The following ANKRD45 variants were observed in gnomAD, a reference collection of about 807,000 sequenced individuals.
The protein encoded by ANKRD45 is ankyrin repeat domain 45, also known as ankyrin repeat domain-containing protein 45.
ANKRD45 carries 21 observed loss-of-function variants against 28.1 expected under a neutral mutation model. That is an observed-to-expected ratio of 0.75 (90% CI 0.53 to 1.08). The LOEUF is 1.08. ANKRD45 is among the 50% of genes least tolerant of loss of function. The probability of loss-of-function intolerance (pLI) is 0.00; values close to 1 mark genes in which losing one functional copy is unlikely to be tolerated. For synonymous variants in ANKRD45, 86 were observed against 103.9 expected, an observed-to-expected ratio of 0.83 and a Z score of 1.05; for missense variants, 261 against 308.7, an observed-to-expected ratio of 0.85 and a Z score of 1.16.
At chr1:173,683,980 G>A in the ANKRD45 span, among the ~76,000 whole-genome samples, 1 of 152,190 alleles carries the variant, frequency 6.6e-6, no homozygotes, top group Non-Finnish European at 1.5e-5. Flanking sequence ...CTATTGGCTA[G>A]GGTTAGACCG....
intron 3 of ANKRD45, among the ~76,000 whole-genome samples, chr1:173,633,242 A>G (rs1323027985): frequency 6.6e-6 from 1 of 152,050 alleles, no homozygotes; most frequent in Admixed American, 6.6e-5. Context: ...AACTCCATTT[A>G]CAATACATAC....
the ANKRD45 span, among the ~76,000 whole-genome samples, chr1:173,706,062 T>G: frequency 6.6e-6 from 1 of 152,032 alleles, no homozygotes; most frequent in Non-Finnish European, 1.5e-5. Flanking sequence ...CCCAGCACTT[T>G]GGGAGGCCGA....
the ANKRD45 span, among the ~76,000 whole-genome samples, chr1:173,711,611 T>TA: frequency 6.6e-6 from 1 of 152,200 alleles, no homozygotes; most frequent in Non-Finnish European, 1.5e-5. Flanking sequence ...TTTAGCTTAG[T>TA]GATTTTGGGG....
chr1:173,665,144 C>T (rs976197005), intron 1 of ANKRD45, among the ~76,000 whole-genome samples: 1 of 152,102 alleles, frequency 6.6e-6, no homozygotes, highest in African/African-American at 2.4e-5. Flanking sequence ...GGTAATGCTA[C>T]TTATTTTCTT....
chr1:173,624,500 A>C (rs1174818755), intron 5 of ANKRD45, among the ~76,000 whole-genome samples: 1 of 152,042 alleles, frequency 6.6e-6, no homozygotes, highest in Non-Finnish European at 1.5e-5. Flanking sequence ...GGGAAAAAAA[A>C]AAAAAAATCA....
At chr1:173,712,921 C>T in the ANKRD45 span, among the ~76,000 whole-genome samples, 1 of 152,146 alleles carries the variant, frequency 6.6e-6, no homozygotes, top group Non-Finnish European at 1.5e-5. Flanking sequence ...TGTAATGGGG[C>T]TCAAGGGTTA....
At position 173,618,596 on chromosome 1, in the gene ANKRD45, T is replaced by A. The variant is rs1363079890; in HGVS notation, c.730+6191A>T. ...AAGACAAGAATACAGAAAAAAAGAA[T>A]GAAAAGGAATGAACAAAACCTCTGA... On this transcript the variant is annotated intron_variant, in intron 5 of 5. Transcript: ENST00000333279. Among the ~76,000 whole-genome samples, 6 of 152,088 alleles carry A rather than the reference T, an allele frequency of 3.9e-5. No individual in the cohort carries two copies. In the East Asian group the frequency reaches 1.2e-3, roughly 29 times the overall value.
chr1:173,631,921 C>T (rs1668212769), intron 3 of ANKRD45, among the ~76,000 whole-genome samples: 1 of 151,524 alleles, frequency 6.6e-6, no homozygotes. Context: ...CTTAACAATA[C>T]ATCTTAAAGA....
chr1:173,646,821 G>T (rs771528055), intron 3 of ANKRD45, 25 bp downstream of exon 3: 17 of 1,606,722 alleles, frequency 1.1e-5, no homozygotes, highest in Non-Finnish European at 1.4e-5. Flanking sequence ...CAGTCAGTTT[G>T]CTAACCCCTT....
the ANKRD45 span, among the ~76,000 whole-genome samples, chr1:173,688,911 C>T: frequency 2.6e-5 from 4 of 151,912 alleles, no homozygotes; most frequent in East Asian, 1.9e-4. Context: ...CCTTTTACCT[C>T]GGAAACTAAA....
At chr1:173,682,949 T>TTTC in the ANKRD45 span, among the ~76,000 whole-genome samples, 2 of 151,886 alleles carry the variant, frequency 1.3e-5, no homozygotes, top group Non-Finnish European at 2.9e-5. Context: ...CTCTTTTTTT[T>TTTC]TCTTTTTCGG....
At chr1:173,688,045 T>C in the ANKRD45 span, among the ~76,000 whole-genome samples, 3 of 151,816 alleles carry the variant, frequency 2.0e-5, no homozygotes, top group East Asian at 3.9e-4. Context: ...AGCAAAGCAG[T>C]TGTCGCTACA....
intron 3 of ANKRD45, among the ~76,000 whole-genome samples, chr1:173,646,547 C>T (rs1438011180): frequency 6.6e-6 from 1 of 152,172 alleles, no homozygotes; most frequent in East Asian, 1.9e-4. Context: ...TGGCCTTGAA[C>T]ATACATATTG....
rs1482076384 is a variant in ANKRD45 at position 173,659,172 on chromosome 1, C to T, written c.247G>A (p.Ala83Thr). 6.2e-7 allele frequency: 1 copy of T among 1,614,058 alleles called. No individual in the cohort carries two copies. Among genetic ancestry groups the T allele is most frequent in the African/African-American group, 1.3e-5 (1 of 74,926 alleles). Residue 83 changes from alanine to threonine, a missense_variant, in exon 2 of 6, where the codon GCA (alanine) becomes ACA (threonine). Physicochemically the swap from Ala to Thr is moderately conservative, Grantham distance 58 (BLOSUM62 0). Transcript: ENST00000333279. Reference protein sequence around the residue: ...EDIVGRNLLYAACMAGQSDVI... With the variant: ...EDIVGRNLLYTACMAGQSDVI... Reference sequence around the variant, plus strand: ...TCACTTTGCCCAGCCATGCAAGCTGCATACAACAAATTTCTCCCAACGATG... The same window carrying T: ...TCACTTTGCCCAGCCATGCAAGCTGTATACAACAAATTTCTCCCAACGATG...
At chr1:173,660,254 T>C (rs912613292) in intron 1 of ANKRD45, among the ~76,000 whole-genome samples, 1 of 152,072 alleles carries the variant, frequency 6.6e-6, no homozygotes, top group African/African-American at 2.4e-5. Context: ...AGTATTAAAC[T>C]GGGAAAGATT....
chr1:173,627,537 T>C (rs1191279434), intron 3 of ANKRD45, among the ~76,000 whole-genome samples: 3 of 152,160 alleles, frequency 2.0e-5, no homozygotes, highest in Admixed American at 2.0e-4. Context: ...GAAAGCAACA[T>C]GGGGCAGAAT....
At chr1:173,655,510 C>A (rs992491385) in intron 2 of ANKRD45, among the ~76,000 whole-genome samples, 1 of 152,190 alleles carries the variant, frequency 6.6e-6, no homozygotes, top group Non-Finnish European at 1.5e-5. Context: ...GGGCACCCAC[C>A]TGTATGAGGT....
the ANKRD45 span, chr1:173,715,068 T>C: frequency 2.2e-4 from 33 of 152,506 alleles, no homozygotes; most frequent in African/African-American, 7.7e-4. Context: ...GAGAAGAAAG[T>C]GTCAGAGCCG....
chr1:173,623,118 C>T (rs1454917152), intron 5 of ANKRD45, among the ~76,000 whole-genome samples: 1 of 151,606 alleles, frequency 6.6e-6, no homozygotes, highest in East Asian at 1.9e-4. Flanking sequence ...GAGTTCAAGA[C>T]CAGCCTGGCC....
Sources: allele counts gnomAD v4.1 joint callset (sites outside exome capture counted in the v4.1 genomes callset), GRCh38; gene constraint gnomAD v4.1.1; transcripts MANE v1.5; gene names NCBI Gene and HGNC (gene_info 2026-07-23, HGNC 2026-07-21).